SKAP1: variants seen among roughly 807,000 people sequenced by gnomAD.
SKAP1 encodes src kinase-associated phosphoprotein 1.
In SKAP1, 44 loss-of-function variants were observed where a neutral mutation model predicts 58.5. That is an observed-to-expected ratio of 0.75 (90% confidence interval 0.59 to 0.97). The LOEUF (loss-of-function observed/expected upper bound fraction) is 0.97, where lower values mean the gene tolerates loss of function less well. Among genes scored for constraint, SKAP1 ranks in the 50% least tolerant of loss-of-function variants. SKAP1 has a pLI of 0.00. For missense variants in SKAP1, 390 were observed against 435.2 expected (o/e 0.90, Z 0.92); for synonymous variants, 127 against 149.7 (o/e 0.85, Z 1.11).
At chr17:48,443,918 C>A in the SKAP1 span, among the ~76,000 whole-genome samples, 4 of 152,006 alleles carry the variant, frequency 2.6e-5, no homozygotes, top group Admixed American at 6.5e-5. Flanking sequence ...ATTTAATAAT[C>A]ATCAATTATT....
At chr17:48,394,972 G>C (rs184092779) in intron 2 of SKAP1, among the ~76,000 whole-genome samples, 22 of 152,196 alleles carry the variant, frequency 1.4e-4, no homozygotes, top group African/African-American at 5.3e-4. Flanking sequence ...CATCTTTCTT[G>C]CAACAAGTCA....
intron 3 of SKAP1, among the ~76,000 whole-genome samples, chr17:48,351,662 G>C (rs1164335282): frequency 6.6e-6 from 1 of 152,080 alleles, no homozygotes; most frequent in African/African-American, 2.4e-5. Flanking sequence ...TTTTAGCTTA[G>C]CTTAGTAAAA....
chr17:48,319,690 A>C (rs1207936635), intron 4 of SKAP1, among the ~76,000 whole-genome samples: 1 of 152,102 alleles, frequency 6.6e-6, no homozygotes. Context: ...AAAAATACAA[A>C]AATTAGCTGG....
intron 4 of SKAP1, among the ~76,000 whole-genome samples, chr17:48,224,067 GAAGGAGGAGGAGGAGGAGGAA>G (rs1174987820): frequency 0.014 from 587 of 43,206 alleles, 51 homozygotes; most frequent in African/African-American, 0.031. Context: ...AGGAGGAGGA[GAAGGAGGAGGAGGAGGAGGAA>G]GAGGAGGAGG....
chr17:48,434,335 A>AATTC (rs1258603744), upstream of SKAP1, among the ~76,000 whole-genome samples: 1 of 152,222 alleles, frequency 6.6e-6, no homozygotes, highest in Non-Finnish European at 1.5e-5. Flanking sequence ...TGCCACCTTG[A>AATTC]AGGCAGAGGA....
intron 4 of SKAP1, among the ~76,000 whole-genome samples, chr17:48,271,245 G>A (rs1364802835): frequency 6.6e-6 from 1 of 151,464 alleles, no homozygotes; most frequent in Non-Finnish European, 1.5e-5. Flanking sequence ...ACCATATTAC[G>A]AGTACCAACA....
chr17:48,441,990 C>T, the SKAP1 span, among the ~76,000 whole-genome samples: 3 of 152,104 alleles, frequency 2.0e-5, no homozygotes, highest in Non-Finnish European at 2.9e-5. Context: ...AGCAGGCTTC[C>T]CTGGCCTCAA....
In SKAP1 at chr17:48,421,737, C is replaced by T. The variant is rs542726025; in HGVS notation, c.46+8338G>A. 1.5e-3 allele frequency among the ~76,000 whole-genome samples: 235 copies of T among 152,238 alleles called. 1 individual carries two copies. The highest frequency in any genetic ancestry group is 2.2e-3 in the Non-Finnish European group (147 of 68,010). The stretch of plus-strand genomic sequence containing the variant: ...CTTTTGTGACAAAACAAAATTTCAA[C>T]TGAAACATCAGGGTAGAAAAATTAT... On this transcript the variant is annotated intron_variant, in intron 1 of 12. Transcript: ENST00000336915.
intron 1 of SKAP1, among the ~76,000 whole-genome samples, chr17:48,410,587 AACAC>A (rs202053301): frequency 6.6e-6 from 1 of 151,676 alleles, no homozygotes; most frequent in Admixed American, 6.6e-5. Context: ...AAGTGCTGAA[AACAC>A]ACACACACAC....
chr17:48,403,824 C>A (rs140444723), intron 1 of SKAP1, among the ~76,000 whole-genome samples: 1 of 152,128 alleles, frequency 6.6e-6, no homozygotes. Flanking sequence ...CAGTGGGTAA[C>A]GCCTGTAATC....
At chr17:48,341,975 A>ATCC in intron 4 of SKAP1, among the ~76,000 whole-genome samples, 1 of 152,324 alleles carries the variant, frequency 6.6e-6, no homozygotes, top group South Asian at 2.1e-4. Context: ...TGCTTACAGA[A>ATCC]TGATCACTTT....
chr17:48,348,227 C>T (rs1331113478), intron 3 of SKAP1, among the ~76,000 whole-genome samples: 1 of 151,386 alleles, frequency 6.6e-6, no homozygotes, highest in East Asian at 1.9e-4. Context: ...GTGGTCCTAG[C>T]TACTTGAGAG....
chr17:48,194,924 T>C (rs2064603418), intron 4 of SKAP1, among the ~76,000 whole-genome samples: 1 of 152,172 alleles, frequency 6.6e-6, no homozygotes, highest in Non-Finnish European at 1.5e-5. Flanking sequence ...TGTATGAGAT[T>C]GGAGAAAATT....
chr17:48,434,151 G>A (rs1197857739), upstream of SKAP1, among the ~76,000 whole-genome samples: 1 of 152,158 alleles, frequency 6.6e-6, no homozygotes, highest in African/African-American at 2.4e-5. Context: ...TCAGCCTCTC[G>A]GTCCCAACCC....
chr17:48,210,085 C>G (rs893784497), intron 4 of SKAP1, among the ~76,000 whole-genome samples: 24 of 152,216 alleles, frequency 1.6e-4, no homozygotes, highest in Admixed American at 1.6e-3. Context: ...AGCTCCAGCT[C>G]TCCTAGGGAT....
At chr17:48,415,045 T>TGCAAGG (rs1219124182) in intron 1 of SKAP1, among the ~76,000 whole-genome samples, 3 of 152,224 alleles carry the variant, frequency 2.0e-5, no homozygotes, top group Non-Finnish European at 4.4e-5. Flanking sequence ...CCCTAACAGT[T>TGCAAGG]GCAAGGGTTT....
At chr17:48,269,821 C>T (rs958210666) in intron 4 of SKAP1, among the ~76,000 whole-genome samples, 3 of 152,078 alleles carry the variant, frequency 2.0e-5, no homozygotes, top group African/African-American at 7.2e-5. Context: ...AGGCCGGGTG[C>T]GGTGGCTCAC....
rs572320211 is a variant in SKAP1 at position 48,418,378 on chromosome 17, AT to A, written c.46+11696del. Among the ~76,000 whole-genome samples the A allele has an allele frequency of 5.4e-3, 828 of 152,328 alleles. 11 individuals are homozygous for A. Among genetic ancestry groups the A allele is most frequent in the African/African-American group, 0.019 (797 of 41,570 alleles). ...AATATTTTACAATAAAAATATATCT[AT>A]CAATTATTTTCATAATTTAAAAAAT... On this transcript the variant is annotated intron_variant, in intron 1 of 12. Transcript: ENST00000336915.
intron 4 of SKAP1, among the ~76,000 whole-genome samples, chr17:48,342,733 G>A (rs906423150): frequency 6.6e-6 from 1 of 152,184 alleles, no homozygotes. Flanking sequence ...GAATGTTAAA[G>A]AGGAATATCT....
Sources: gnomAD v4.1 joint callset for allele counts (sites outside exome capture counted in the v4.1 genomes callset) on GRCh38, gnomAD v4.1.1 for gene constraint, MANE v1.5 for transcripts, NCBI Gene and HGNC (gene_info 2026-07-23, HGNC 2026-07-21) for gene names.